Variants in ACVR2A observed in about 807,000 individuals in gnomAD.
The protein encoded by ACVR2A is activin receptor type-2A.
ACVR2A carries 7 observed loss-of-function variants against 61.4 expected under a neutral mutation model. That is an observed-to-expected ratio of 0.11 (90% CI 0.06 to 0.21). ACVR2A has a LOEUF of 0.21. ACVR2A is among the 10% of genes least tolerant of loss of function. The probability of loss-of-function intolerance (pLI) is 1.00; values close to 1 mark genes in which losing one functional copy is unlikely to be tolerated. For missense variants in ACVR2A, 322 were observed against 621.7 expected, an observed-to-expected ratio of 0.52 and a Z score of 5.13; for synonymous variants, 193 against 208.3, an observed-to-expected ratio of 0.93 and a Z score of 0.63.
chr2:147,864,624 G>T (rs980335336), intron 1 of ACVR2A, among the ~76,000 whole-genome samples: 4 of 152,066 alleles, frequency 2.6e-5, no homozygotes, highest in African/African-American at 9.7e-5. Flanking sequence ...TGTTTTTTAG[G>T]CTAGGGAATA....
chr2:147,877,869 T>TG (rs1264666250), intron 1 of ACVR2A, among the ~76,000 whole-genome samples: 1 of 152,212 alleles, frequency 6.6e-6, no homozygotes, highest in Non-Finnish European at 1.5e-5. Flanking sequence ...CATGTTCTGT[T>TG]GCTGTGTCTT....
chr2:147,917,857 A>G lies in ACVR2A; in HGVS notation c.816+431A>G, dbSNP rs141739366. On this transcript the variant is annotated intron_variant, in intron 6 of 10. Coordinates refer to ENST00000241416, the MANE Select transcript of ACVR2A (RefSeq NM_001616.5). The stretch of plus-strand genomic sequence containing the variant: ...TGATCTGTCACTAACTTGCAGGGTA[A>G]TTATCACCAAAATGTAATTGCTAGT... 1.7e-3 allele frequency among the ~76,000 whole-genome samples: 251 copies of G among 152,040 alleles called. 1 individual carries two copies. The highest frequency in any genetic ancestry group is 5.6e-3 in the African/African-American group (231 of 41,546).
chr2:147,865,013 CTT>C (rs879718931), intron 1 of ACVR2A, among the ~76,000 whole-genome samples: 1 of 145,704 alleles, frequency 6.9e-6, no homozygotes, highest in Non-Finnish European at 1.5e-5. Context: ...CACCAAGTGA[CTT>C]TTTTTTTTTG....
chr2:147,848,816 TA>T (rs1005547009), intron 1 of ACVR2A, among the ~76,000 whole-genome samples: 56 of 149,862 alleles, frequency 3.7e-4, no homozygotes, highest in African/African-American at 1.3e-3. Context: ...AAATACAAAT[TA>T]AAAAAAAAGG....
chr2:147,915,925 G>A (rs968763220), intron 5 of ACVR2A, among the ~76,000 whole-genome samples: 1 of 151,674 alleles, frequency 6.6e-6, no homozygotes, highest in African/African-American at 2.4e-5. Context: ...GTTTTGTTCC[G>A]TTGGTGGTAT....
chr2:147,897,270 A>C (rs983663544), intron 2 of ACVR2A, among the ~76,000 whole-genome samples: 12 of 152,018 alleles, frequency 7.9e-5, no homozygotes, highest in Non-Finnish European at 1.8e-4. Flanking sequence ...AGCCTCCCAA[A>C]GTGCTAGGAT....
intron 5 of ACVR2A, 31 bp downstream of exon 5, chr2:147,915,365 T>C (rs762220877): frequency 6.2e-7 from 1 of 1,609,102 alleles, no homozygotes; most frequent in Non-Finnish European, 8.5e-7. Flanking sequence ...TCATCTTACA[T>C]ACATGTTTTA....
chr2:147,880,288 C>T (rs1297382502), intron 1 of ACVR2A, among the ~76,000 whole-genome samples: 1 of 152,140 alleles, frequency 6.6e-6, no homozygotes, highest in Non-Finnish European at 1.5e-5. Flanking sequence ...TCTCACACCT[C>T]TGCCTTCCAA....
intron 2 of ACVR2A, among the ~76,000 whole-genome samples, chr2:147,897,611 T>C (rs1294778143): frequency 2.0e-5 from 3 of 152,218 alleles, no homozygotes; most frequent in African/African-American, 7.2e-5. Context: ...TAGATACTTC[T>C]GGATCACTTT....
chr2:147,892,554 T>C (rs1279625708), intron 1 of ACVR2A, among the ~76,000 whole-genome samples: 1 of 149,292 alleles, frequency 6.7e-6, no homozygotes, highest in African/African-American at 2.5e-5. Flanking sequence ...AAAGAAAATG[T>C]TTAAATATTA....
At position 147,928,140 on chromosome 2, in the gene ACVR2A, C is replaced by A. The variant is rs1433513639; in HGVS notation, c.*866C>A. 1 of 152,220 alleles carries A rather than the reference C, an allele frequency of 6.6e-6. No homozygotes were observed. 9.4% of individuals were successfully genotyped at this position (152,220 alleles called of 1,614,324 possible). On this transcript the variant is annotated 3_prime_UTR_variant, in exon 11 of 11. Transcript: ENST00000241416. ...AAAGCCCCATCTTATATCCAGTTCC[C>A]AAAATTTGCATACTTACCTAAGTAT... is the stretch of plus-strand genomic sequence containing the variant.
intron 1 of ACVR2A, among the ~76,000 whole-genome samples, chr2:147,859,435 G>A (rs1241441839): frequency 6.6e-6 from 1 of 151,480 alleles, no homozygotes; most frequent in South Asian, 2.1e-4. Flanking sequence ...TTTTAAAACT[G>A]CAGATTACAG....
chr2:147,923,164 T>A, intron 9 of ACVR2A, 53 bp downstream of exon 9: 1 of 1,540,080 alleles, frequency 6.5e-7, no homozygotes, highest in Non-Finnish European at 8.8e-7. Flanking sequence ...CACACATATA[T>A]GAAAAGGGAT....
At chr2:147,879,412 C>T (rs189965906) in intron 1 of ACVR2A, among the ~76,000 whole-genome samples, 22 of 152,282 alleles carry the variant, frequency 1.4e-4, no homozygotes, top group Admixed American at 3.9e-4. Context: ...TTAGGCCCCA[C>T]CTCTCAATAC....
At position 147,896,163 on chromosome 2, in the gene ACVR2A, G is replaced by A. The variant is rs1329436733; in HGVS notation, c.56-138G>A. On this transcript the variant is annotated intron_variant, in intron 1 of 10. Transcript: ENST00000241416. ...TATTTAAAGTACAGGGATTAACCTG[G>A]AAACCTAAACCCAAAGTTATAAGTG... 7 of 685,900 alleles carry A rather than the reference G, an allele frequency of 1.0e-5. No individual in the cohort carries two copies. The South Asian group carries it at 1.5e-4, about 15-fold the overall frequency. 42.5% of individuals were successfully genotyped at this position (685,900 alleles called of 1,614,324 possible).
Position 147,918,609 on chromosome 2 carries a change from T to C in ACVR2A, c.962+17T>C, listed in dbSNP as rs767358899. On this transcript the variant is annotated intron_variant, in intron 7 of 10. Transcript: ENST00000241416. ...ATCTCACAGGTAGACTAAATTTATATTGTTTTCCCAGATAATTGAGTATAT... is the reference window on the plus strand; with the variant it reads ...ATCTCACAGGTAGACTAAATTTATACTGTTTTCCCAGATAATTGAGTATAT... 1.1e-5 allele frequency: 17 copies of C among 1,586,066 alleles called. No individual in the cohort carries two copies. In the African/African-American group the frequency reaches 2.2e-4, roughly 20 times the overall value.
In ACVR2A at chr2:147,873,360, T is replaced by C. The variant is rs146811061; in HGVS notation, c.56-22941T>C. ...TTCAACAGTATATTCAGAATATCAT[T>C]TCAATGCATAATCAATATGAACATG... On this transcript the variant is annotated intron_variant, in intron 1 of 10. Coordinates refer to ENST00000241416, the MANE Select transcript of ACVR2A (RefSeq NM_001616.5). Among the ~76,000 whole-genome samples the C allele has an allele frequency of 7.2e-5, 11 of 152,132 alleles. No homozygotes were observed. The South Asian group carries it at 8.3e-4, about 11-fold the overall frequency.
intron 1 of ACVR2A, among the ~76,000 whole-genome samples, chr2:147,857,114 C>A (rs1378512063): frequency 6.6e-6 from 1 of 152,130 alleles, no homozygotes; most frequent in African/African-American, 2.4e-5. Flanking sequence ...AGCTGATCCT[C>A]ACTTCTGAAG....
chr2:147,864,372 T>C (rs985354282), intron 1 of ACVR2A, among the ~76,000 whole-genome samples: 1 of 151,908 alleles, frequency 6.6e-6, no homozygotes, highest in Admixed American at 6.6e-5. Context: ...TGGGATTACA[T>C]GCGCGCTCTA....
Sources: gnomAD v4.1 joint callset for allele counts (sites outside exome capture counted in the v4.1 genomes callset) on GRCh38, gnomAD v4.1.1 for gene constraint, MANE v1.5 for transcripts, NCBI Gene and HGNC (gene_info 2026-07-23, HGNC 2026-07-21) for gene names.